The following COL4A5 variants were observed in gnomAD, a reference collection of about 807,000 sequenced individuals.
COL4A5 encodes collagen alpha-5(IV) chain.
Under a neutral mutation model 130.2 loss-of-function variants are expected in COL4A5, and 26 were observed. The observed-to-expected ratio is 0.20, with a 90% confidence interval of 0.15 to 0.28. The LOEUF (loss-of-function observed/expected upper bound fraction) is 0.28, where lower values mean the gene tolerates loss of function less well. Ranked by LOEUF, COL4A5 falls within the 10% of genes least tolerant of loss-of-function variation. The pLI is 1.00. For missense variants in COL4A5, 1,131 were observed against 1,344.3 expected (o/e 0.84, Z 2.48); for synonymous variants, 496 against 439.6 (o/e 1.13, Z -1.60).
Position 108,598,792 on chromosome X carries a change from G to C in COL4A5, c.1870G>C (p.Gly624Arg). The part of the protein sequence containing the change: ...PGNIGPMGPP[G>R]FGPPGPVGEK... ...GAATATAGGGCCTATGGGTCCCCCTGGTTTCGGCCCTCCAGGCCCAGTAGG... is the reference window on the plus strand; with the variant it reads ...GAATATAGGGCCTATGGGTCCCCCTCGTTTCGGCCCTCCAGGCCCAGTAGG... The change falls in exon 25 of 53, where the codon GGT becomes CGT. Residue 624 changes from glycine (G) to arginine (R), a missense_variant. By Grantham distance (125) the Gly-to-Arg change is moderately radical. Coordinates refer to ENST00000328300, the MANE Select transcript of COL4A5 (RefSeq NM_033380.3). 3 of 1,211,308 alleles carry C rather than the reference G, an allele frequency of 2.5e-6. No individual in the cohort carries two copies. The highest frequency in any genetic ancestry group is 3.4e-6 in the Non-Finnish European group (3 of 895,089).
At chrX:108,511,557 A>G (rs1026167388) in intron 1 of COL4A5, among the ~76,000 whole-genome samples, 1 of 111,793 alleles carries the variant, frequency 8.9e-6, no homozygotes, top group African/African-American at 3.3e-5. Context: ...CAAGATTTCA[A>G]AATTCACTAG....
At chrX:108,577,381 A>G (rs372204204) in intron 10 of COL4A5, among the ~76,000 whole-genome samples, 18 of 106,805 alleles carry the variant, frequency 1.7e-4, no homozygotes, top group African/African-American at 5.8e-4. Flanking sequence ...TCAAAAAAAA[A>G]AAAAAAAAAA....
At chrX:108,463,459 A>G (rs1285775773) in intron 1 of COL4A5, among the ~76,000 whole-genome samples, 1 of 111,713 alleles carries the variant, frequency 9.0e-6, no homozygotes, top group South Asian at 3.8e-4. Flanking sequence ...TGATTATTTG[A>G]CAGTTGACTC....
In COL4A5 at chrX:108,696,591, G is replaced by A; in HGVS notation, c.*213G>A. ...AAGTCTCTATTATTTTTCTACTAAA[G>A]AAATAAGGAAGTGAATTTACTTTTT... is the stretch of plus-strand genomic sequence containing the variant. On this transcript the variant is annotated 3_prime_UTR_variant, in exon 53 of 53. Coordinates refer to ENST00000328300, the MANE Select transcript of COL4A5 (RefSeq NM_033380.3). 1 of 285,133 alleles carries A rather than the reference G, an allele frequency of 3.5e-6. No homozygotes were observed. The highest frequency in any genetic ancestry group is 1.2e-4 in the South Asian group (1 of 8,214). 23.5% of individuals were successfully genotyped at this position (285,133 alleles called of 1,213,427 possible).
intron 1 of COL4A5, among the ~76,000 whole-genome samples, chrX:108,497,035 C>T (rs1041259756): frequency 9.0e-6 from 1 of 111,599 alleles, no homozygotes; most frequent in Non-Finnish European, 1.9e-5. Context: ...CCCGTAATCC[C>T]CCAAATCTTG....
At position 108,439,907 on chromosome X, in the gene COL4A5, C is replaced by A. The variant is rs1254476022; in HGVS notation, c.-219C>A. On this transcript the variant is annotated 5_prime_UTR_variant, in exon 1 of 53. Coordinates refer to ENST00000328300, the MANE Select transcript of COL4A5 (RefSeq NM_033380.3). ...AGAAGGGAAAAGTTCTCCTGAGAGACCGGCTTTGGGGAGGGGAGGGGGGAA... is the reference window on the plus strand; with the variant it reads ...AGAAGGGAAAAGTTCTCCTGAGAGAACGGCTTTGGGGAGGGGAGGGGGGAA... The A allele has an allele frequency of 2.4e-6, 1 of 421,080 alleles. No homozygotes were observed. The highest frequency in any genetic ancestry group is 2.5e-5 in the African/African-American group (1 of 39,408). 34.7% of individuals were successfully genotyped at this position (421,080 alleles called of 1,213,427 possible).
At chrX:108,689,802 G>A in intron 49 of COL4A5, 1 of 754,098 alleles carries the variant, frequency 1.3e-6, no homozygotes, top group Non-Finnish European at 1.6e-6. Flanking sequence ...TTCTGTCTGG[G>A]AGAAAAGAAA....
chrX:108,626,323 G>T lies in COL4A5; in HGVS notation c.3220G>T (p.Gly1074Cys). Residue 1074 changes from glycine to cysteine, a missense_variant, in exon 36 of 53, where the codon GGT (glycine) becomes TGT (cysteine). Coordinates refer to ENST00000328300, the MANE Select transcript of COL4A5 (RefSeq NM_033380.3). ...AGGTGATCCTGGTATTTCAAGCATT[G>T]GTCTTCCAGGTCTTCCTGGTCCAAA... ...DKGDPGISSI[G>C]LPGLPGPKGE... The T allele has an allele frequency of 8.3e-7, 1 of 1,210,437 alleles. No homozygotes were observed. The highest frequency in any genetic ancestry group is 1.8e-5 in the South Asian group (1 of 56,882).
At chrX:108,679,800 A>G in intron 44 of COL4A5, among the ~76,000 whole-genome samples, 1 of 111,527 alleles carries the variant, frequency 9.0e-6, no homozygotes, top group Non-Finnish European at 1.9e-5. Context: ...TCCTATCTCT[A>G]TAGAAAAGAA....
Position 108,668,520 on chromosome X carries a change from G to T in COL4A5, c.3790+16G>T, listed in dbSNP as rs1268961726. The T allele has an allele frequency of 1.3e-5, 15 of 1,131,266 alleles. No homozygotes were observed. The highest frequency in any genetic ancestry group is 1.6e-5 in the Non-Finnish European group (14 of 852,478). 93.2% of individuals were successfully genotyped at this position (1,131,266 alleles called of 1,213,427 possible). A position where few individuals can be genotyped will look rare whatever the true frequency, so the allele number is the denominator to read the frequency against. On this transcript the variant is annotated intron_variant, in intron 41 of 52. Transcript: ENST00000328300. ...GGGAGACCAGGTATGTCCGTGAGTG[G>T]TAGGAGAATGGTCTATTTATTAGTC... is the stretch of plus-strand genomic sequence containing the variant.
chrX:108,526,585 CTCCCTCCCTCCT>C (rs1372424683), intron 1 of COL4A5, among the ~76,000 whole-genome samples: 16 of 63,433 alleles, frequency 2.5e-4, no homozygotes, highest in African/African-American at 1.3e-3. Flanking sequence ...CCCTCCCTCC[CTCCCTCCCTCCT>C]TTCTTTCTTT....
At chrX:108,567,974 A>G (rs1429969815) in intron 4 of COL4A5, among the ~76,000 whole-genome samples, 2 of 111,922 alleles carry the variant, frequency 1.8e-5, no homozygotes, top group African/African-American at 6.5e-5. Context: ...TCTAAACTTT[A>G]GCTATAATAA....
intron 29 of COL4A5, among the ~76,000 whole-genome samples, chrX:108,614,242 A>G (rs930941237): frequency 3.6e-5 from 4 of 111,953 alleles, no homozygotes; most frequent in African/African-American, 6.5e-5. Flanking sequence ...AAAATAAATC[A>G]GTGGTTGCCA....
chrX:108,694,450 T>C (rs1029131832), intron 50 of COL4A5: 1 of 231,575 alleles, frequency 4.3e-6, no homozygotes, highest in Admixed American at 6.3e-5. Context: ...ACTAAATGTC[T>C]CCCCTCCAAT....
At chrX:108,547,225 C>A (rs1250634458) in intron 2 of COL4A5, among the ~76,000 whole-genome samples, 1 of 111,334 alleles carries the variant, frequency 9.0e-6, no homozygotes, top group East Asian at 2.8e-4. Flanking sequence ...CTGTTTTTTC[C>A]CCATCTTTGT....
At chrX:108,620,667 C>T (rs968648885) in intron 31 of COL4A5, among the ~76,000 whole-genome samples, 1 of 111,740 alleles carries the variant, frequency 8.9e-6, no homozygotes. Flanking sequence ...TTTAACCAAC[C>T]TTTTAATTTT....
chrX:108,673,743 T>C (rs896715731), intron 42 of COL4A5, among the ~76,000 whole-genome samples: 1 of 107,336 alleles, frequency 9.3e-6, no homozygotes, highest in Non-Finnish European at 1.9e-5. Context: ...AATATAATAA[T>C]AATAATAATA....
intron 1 of COL4A5, among the ~76,000 whole-genome samples, chrX:108,535,846 C>T (rs2147646155): frequency 9.0e-6 from 1 of 110,681 alleles, no homozygotes; most frequent in South Asian, 3.7e-4. Context: ...TTACTTTTTT[C>T]CAAGCATTTT....
chrX:108,670,354 C>G, intron 42 of COL4A5, 118 bp downstream of exon 42: 1 of 1,125,954 alleles, frequency 8.9e-7, no homozygotes, highest in Non-Finnish European at 1.2e-6. Flanking sequence ...TCAATTCTTA[C>G]ATAGTGGCTT....
Sources: gnomAD v4.1 joint callset for allele counts (sites outside exome capture counted in the v4.1 genomes callset) on GRCh38, gnomAD v4.1.1 for gene constraint, MANE v1.5 for transcripts, NCBI Gene and HGNC (gene_info 2026-07-23, HGNC 2026-07-21) for gene names.